The following TRAF3IP2 variants were observed in gnomAD, a reference collection of about 807,000 sequenced individuals.
TRAF3IP2 encodes E3 ubiquitin ligase TRAF3IP2.
Under a neutral mutation model 57.9 loss-of-function variants are expected in TRAF3IP2, and 35 were observed. The observed-to-expected ratio is 0.60, with a 90% confidence interval of 0.46 to 0.80. TRAF3IP2 has a LOEUF of 0.80. Ranked by LOEUF, TRAF3IP2 falls within the 30% of genes least tolerant of loss-of-function variation. The pLI is 0.00. For synonymous variants in TRAF3IP2, 251 were observed against 268.9 expected (o/e 0.93, Z 0.65); for missense variants, 556 against 706.4 (o/e 0.79, Z 2.41).
At chr6:111,584,100 T>G (rs1562429654) in intron 2 of TRAF3IP2, among the ~76,000 whole-genome samples, 2 of 152,226 alleles carry the variant, frequency 1.3e-5, no homozygotes, top group Non-Finnish European at 2.9e-5. Flanking sequence ...ATCATAGGGT[T>G]TATTTCTTTT....
chr6:111,594,957 C>T (rs532560177), intron 1 of TRAF3IP2, among the ~76,000 whole-genome samples: 15 of 152,248 alleles, frequency 9.9e-5, no homozygotes, highest in South Asian at 2.1e-4. Context: ...TCTGGCCAGG[C>T]GCGGTGGCTA....
In TRAF3IP2 at chr6:111,582,376, G is replaced by A. The variant is rs181690139; in HGVS notation, c.830-1987C>T. Among the ~76,000 whole-genome samples, 9 of 152,220 alleles carry A rather than the reference G, an allele frequency of 5.9e-5. No homozygotes were observed. In the East Asian group the frequency reaches 1.6e-3, roughly 26 times the overall value. On this transcript the variant is annotated intron_variant, in intron 2 of 8. Coordinates refer to ENST00000368761, the MANE Select transcript of TRAF3IP2 (RefSeq NM_147686.4). ...TAGGCCTGGTCATGACAAGTAGTAG[G>A]GGTTTAAAGAGGGGGAGGAGGAGAA... is the stretch of plus-strand genomic sequence containing the variant.
intron 8 of TRAF3IP2, among the ~76,000 whole-genome samples, chr6:111,560,126 T>C (rs1176185198): frequency 1.3e-5 from 2 of 151,014 alleles, no homozygotes; most frequent in African/African-American, 2.5e-5. Context: ...CAGTGATGTA[T>C]GCTGTGGAGA....
chr6:111,605,435 T>G (rs1796989462), intron 1 of TRAF3IP2, among the ~76,000 whole-genome samples: 1 of 152,244 alleles, frequency 6.6e-6, no homozygotes, highest in African/African-American at 2.4e-5. Flanking sequence ...AAGTGGGGCT[T>G]GAATTCTTGA....
At chr6:111,561,929 G>T (rs1214847303) in intron 8 of TRAF3IP2, among the ~76,000 whole-genome samples, 2 of 152,286 alleles carry the variant, frequency 1.3e-5, no homozygotes, top group Non-Finnish European at 2.9e-5. Flanking sequence ...AGGATAGAAA[G>T]GTGTGCCATC....
intron 3 of TRAF3IP2, among the ~76,000 whole-genome samples, 162 bp from the exon 4 acceptor site, chr6:111,575,983 T>C (rs892305229): frequency 2.2e-4 from 33 of 152,202 alleles, no homozygotes; most frequent in Non-Finnish European, 1.8e-4. Flanking sequence ...CATGGAGTTG[T>C]AGTCAATAAG....
At chr6:111,570,486 T>A (rs901630515) in intron 5 of TRAF3IP2, among the ~76,000 whole-genome samples, 3 of 152,202 alleles carry the variant, frequency 2.0e-5, no homozygotes, top group Admixed American at 1.3e-4. Flanking sequence ...ACTCATTAAG[T>A]GTTTCATTCC....
chr6:111,575,947 C>G, intron 3 of TRAF3IP2, 126 bp from the exon 4 acceptor site: 1 of 901,702 alleles, frequency 1.1e-6, no homozygotes, highest in Non-Finnish European at 1.7e-6. Flanking sequence ...TATTTCTTAA[C>G]TGAGACAGAA....
chr6:111,564,399 G>A (rs11967878), intron 7 of TRAF3IP2, among the ~76,000 whole-genome samples: 12 of 152,194 alleles, frequency 7.9e-5, no homozygotes, highest in Non-Finnish European at 1.3e-4. Flanking sequence ...CTAGGACTCC[G>A]TATACTGTGA....
At chr6:111,572,504 A>G (rs1317680389) in intron 5 of TRAF3IP2, among the ~76,000 whole-genome samples, 1 of 152,256 alleles carries the variant, frequency 6.6e-6, no homozygotes, top group African/African-American at 2.4e-5. Context: ...GCAGGTGACC[A>G]TGGTGAAGCC....
chr6:111,583,878 T>G (rs1386489644), intron 2 of TRAF3IP2, among the ~76,000 whole-genome samples: 1 of 152,090 alleles, frequency 6.6e-6, no homozygotes, highest in Non-Finnish European at 1.5e-5. Flanking sequence ...TTTGGGGGTT[T>G]TTTGGTTTAA....
At chr6:111,601,089 C>T (rs1047643590) in intron 1 of TRAF3IP2, 10 of 617,798 alleles carry the variant, frequency 1.6e-5, no homozygotes, top group Admixed American at 6.9e-5. Flanking sequence ...GCTTGCATCT[C>T]GGTTGGGAGC....
chr6:111,590,435 AT>A (rs1796470123), intron 2 of TRAF3IP2, among the ~76,000 whole-genome samples: 1 of 152,230 alleles, frequency 6.6e-6, no homozygotes, highest in African/African-American at 2.4e-5. Context: ...GTCTCAAAAA[AT>A]GTGTATGATG....
chr6:111,599,813 A>G (rs1334707110), intron 1 of TRAF3IP2: 1 of 152,222 alleles, frequency 6.6e-6, no homozygotes, highest in Non-Finnish European at 1.5e-5. Context: ...CAGGGCACAC[A>G]TGAACAGACT....
intron 2 of TRAF3IP2, among the ~76,000 whole-genome samples, chr6:111,590,133 T>C (rs567066167): frequency 1.1e-3 from 174 of 152,340 alleles, no homozygotes; most frequent in Middle Eastern, 6.8e-3. Context: ...CTAAGACTTA[T>C]CACTTTCAGA....
chr6:111,588,563 TA>T (rs1358484563), intron 2 of TRAF3IP2, among the ~76,000 whole-genome samples: 1 of 152,248 alleles, frequency 6.6e-6, no homozygotes, highest in Non-Finnish European at 1.5e-5. Flanking sequence ...ACCTTCATTA[TA>T]ACATTGAGTC....
At chr6:111,592,121 C>A in intron 1 of TRAF3IP2, 27 bp from the exon 2 acceptor site, 1 of 1,571,776 alleles carries the variant, frequency 6.4e-7, no homozygotes, top group Non-Finnish European at 8.7e-7. Flanking sequence ...CATGCTATAG[C>A]CTTAGAAGAC....
intron 1 of TRAF3IP2, among the ~76,000 whole-genome samples, chr6:111,592,973 G>A (rs1209224459): frequency 1.3e-5 from 2 of 152,146 alleles, no homozygotes; most frequent in Non-Finnish European, 2.9e-5. Flanking sequence ...TTTATCCAAC[G>A]GGCCGGGCAA....
chr6:111,575,569 C>A (rs1327697507), intron 4 of TRAF3IP2, 74 bp downstream of exon 4: 2 of 1,497,154 alleles, frequency 1.3e-6, no homozygotes, highest in African/African-American at 3.2e-5. Context: ...GCCTGGGCAA[C>A]AGAGCGAGAC....
Sources: allele counts gnomAD v4.1 joint callset (sites outside exome capture counted in the v4.1 genomes callset), GRCh38; gene constraint gnomAD v4.1.1; transcripts MANE v1.5; gene names NCBI Gene and HGNC (gene_info 2026-07-23, HGNC 2026-07-21).